MKI67: variants seen among roughly 807,000 people sequenced by gnomAD.
MKI67 encodes the protein marker of proliferation Ki-67.
MKI67 carries 152 observed loss-of-function variants against 233.5 expected under a neutral mutation model. The ratio of observed to expected loss-of-function variants is 0.65; its 90% CI spans 0.57 to 0.74. The LOEUF (loss-of-function observed/expected upper bound fraction) is 0.74, where lower values mean the gene tolerates loss of function less well. Ranked by LOEUF, MKI67 falls within the 30% of genes least tolerant of loss-of-function variation. The pLI is 0.00. For synonymous variants in MKI67, 1,465 were observed against 1,418.5 expected, an observed-to-expected ratio of 1.03 and a Z score of -0.74; for missense variants, 3,940 against 3,885.2, an observed-to-expected ratio of 1.01 and a Z score of -0.37.
In MKI67 at chr10:128,097,005, G is replaced by A. The variant is rs1852225951; in HGVS notation, c.*2185C>T. On this transcript the variant is annotated 3_prime_UTR_variant, in exon 15 of 15. Coordinates refer to ENST00000368654, the MANE Select transcript of MKI67 (RefSeq NM_002417.5). ...AGGCAGGGAAAACAGCAGGGAGTGTGTGGTGGTTGGAGGTGCCTGCCTAAG... is the reference window on the plus strand; with the variant it reads ...AGGCAGGGAAAACAGCAGGGAGTGTATGGTGGTTGGAGGTGCCTGCCTAAG... The A allele has an allele frequency of 6.5e-6, 1 of 152,702 alleles. No individual in the cohort carries two copies. Among genetic ancestry groups the A allele is most frequent in the South Asian group, 2.1e-4 (1 of 4,830 alleles). The allele number at this position is 152,702 out of a possible 1,614,324, so 9.5% of individuals were successfully genotyped here.
intron 14 of MKI67, among the ~76,000 whole-genome samples, chr10:128,100,672 T>C (rs1852317474): frequency 6.6e-6 from 1 of 152,206 alleles, no homozygotes. Context: ...TGCTTGTAAT[T>C]ATGAGTGGCT....
At position 128,112,305 on chromosome 10, in the gene MKI67, G is replaced by C; in HGVS notation, c.1797C>G (p.Cys599Trp). 1 of 1,614,176 alleles carries C rather than the reference G, an allele frequency of 6.2e-7. No individual in the cohort carries two copies. The highest frequency in any genetic ancestry group is 8.5e-7 in the Non-Finnish European group (1 of 1,180,040). ...PVASDQRRRS[C>W]KTAPASSSKS... ...TGCTGCTGGAAGCAGGGGCTGTTTT[G>C]CAGGACCTACGGCGTTGATCACTGG... Residue 599 changes from cysteine to tryptophan, a missense_variant, in exon 9 of 15, where the codon TGC becomes TGG. By Grantham distance (215) the Cys-to-Trp change is radical. Coordinates refer to ENST00000368654, the MANE Select transcript of MKI67 (RefSeq NM_002417.5).
At position 128,106,378 on chromosome 10, in the gene MKI67, G is replaced by A. The variant is rs760854258; in HGVS notation, c.5462C>T (p.Thr1821Ile). 6 of 1,613,592 alleles carry A rather than the reference G, an allele frequency of 3.7e-6. No individual in the cohort carries two copies. The African/African-American group carries it at 5.4e-5, about 14-fold the overall frequency. Residue 1821 changes from threonine to isoleucine, a missense_variant, in exon 13 of 15, where the codon ACT (threonine) becomes ATT (isoleucine). Thr to Ile is a moderately conservative substitution (Grantham distance 89). Transcript: ENST00000368654. ...TAGAGCCTGGGCCTTTTCCTTACGA[G>A]TTTGTAGCCGTCTATTGCTGCCAGG... is the stretch of plus-strand genomic sequence containing the variant. The part of the protein sequence containing the change: ...NLPGSNRRLQ[T>I]RKEKAQALEE...
At position 128,104,253 on chromosome 10, in the gene MKI67, T is replaced by C. The variant is rs1317427200; in HGVS notation, c.7587A>G (p.Pro2529=). Residue 2529 remains proline (P), a synonymous_variant, in exon 13 of 15, where the codon CCA becomes CCG. Transcript: ENST00000368654. ...TTGCTGCTGGGTCCAGGATCTGCTT[T>C]GGAGACTCCTTAAACGCTTTGATGC... ...SKSIKAFKES[P]KQILDPAASV... is the part of the protein sequence containing the mutation. 2 of 1,614,144 alleles carry C rather than the reference T, an allele frequency of 1.2e-6. No homozygotes were observed. The highest frequency in any genetic ancestry group is 3.3e-5 in the Admixed American group (2 of 60,018).
chr10:128,107,545 T>C lies in MKI67; in HGVS notation c.4295A>G (p.Asn1432Ser), dbSNP rs769315483. ...CTGTTTTGCAGTTTCCCTAAACGCG[T>C]TGATGCTTTTATCCTCACCTCCTGG... Reference protein sequence around the residue: ...KVPGGEDKSINAFRETAKQKL... With the variant: ...KVPGGEDKSISAFRETAKQKL... The change falls in exon 13 of 15, where the codon AAC (asparagine) becomes AGC (serine). Residue 1432 changes from asparagine to serine, a missense_variant. Transcript: ENST00000368654. The C allele has an allele frequency of 3.0e-5, 49 of 1,614,136 alleles. No individual in the cohort carries two copies. The highest frequency in any genetic ancestry group is 3.5e-5 in the Non-Finnish European group (41 of 1,180,028).
intron 11 of MKI67, among the ~76,000 whole-genome samples, chr10:128,111,354 A>G: frequency 6.6e-6 from 1 of 152,208 alleles, no homozygotes; most frequent in East Asian, 1.9e-4. Flanking sequence ...CTTCACTGTA[A>G]AGCACCTTCC....
intron 11 of MKI67, chr10:128,111,382 C>A (rs1012740454): frequency 2.8e-6 from 1 of 361,528 alleles, no homozygotes; most frequent in Non-Finnish European, 4.9e-6. Flanking sequence ...TATGTATACG[C>A]TGCTCTCCAG....
intron 5 of MKI67, 86 bp from the exon 6 acceptor site, chr10:128,116,622 T>A (rs1852814983): frequency 1.2e-5 from 16 of 1,356,522 alleles, no homozygotes; most frequent in Non-Finnish European, 1.7e-5. Flanking sequence ...TTTATTGTTT[T>A]CTGGCTGGGC....
In MKI67 at chr10:128,115,835, A is replaced by G. The variant is rs1466078578; in HGVS notation, c.573T>C (p.Asn191=). Residue 191 remains asparagine (N), a synonymous_variant, in exon 7 of 15, where the codon AAT becomes AAC. Transcript: ENST00000368654. ...AAATGGGATCAGCTGCATTTCTGCC[A>G]TTACGTCCAGCATGTTCTGAGGAAT... is the stretch of plus-strand genomic sequence containing the variant. ...NVHSSEHAGR[N]GRNAADPISG... is the part of the protein sequence containing the mutation. 6.2e-7 allele frequency: 1 copy of G among 1,609,310 alleles called. No homozygotes were observed. The highest frequency in any genetic ancestry group is 8.5e-7 in the Non-Finnish European group (1 of 1,180,000).
Position 128,108,198 on chromosome 10 carries a change from A to G in MKI67, c.3642T>C (p.Pro1214=). The change falls in exon 13 of 15, where the codon CCT becomes CCC. Residue 1214 remains proline, a synonymous_variant. Coordinates refer to ENST00000368654, the MANE Select transcript of MKI67 (RefSeq NM_002417.5). The part of the protein sequence containing the change: ...LPGSKRQLQT[P]KEKAQALEDL... ...CTTCTAGAGCCTGGGCCTTTTCCTT[A>G]GGAGTCTGTAGCTGTCTTTTGCTGC... 2 of 1,613,226 alleles carry G rather than the reference A, an allele frequency of 1.2e-6. No homozygotes were observed. Among genetic ancestry groups the G allele is most frequent in the Non-Finnish European group, 1.7e-6 (2 of 1,179,832 alleles).
chr10:128,112,162 C>T lies in MKI67; in HGVS notation c.1940G>A (p.Arg647Lys). Residue 647 changes from arginine (R) to lysine (K), a missense_variant, in exon 9 of 15, where the codon AGA becomes AAA. Arg to Lys is a conservative substitution (Grantham distance 26). Coordinates refer to ENST00000368654, the MANE Select transcript of MKI67 (RefSeq NM_002417.5). ...CAGATTTGCTTCCGAAGCACCACTT[C>T]TTCTTTTGGAACATATCATCTGTAA... ...DILQMICSKRRSGASEANLIV... is the reference protein window; with the variant it reads ...DILQMICSKRKSGASEANLIV... The T allele has an allele frequency of 6.2e-7, 1 of 1,614,006 alleles. No individual in the cohort carries two copies. The highest frequency in any genetic ancestry group is 8.5e-7 in the Non-Finnish European group (1 of 1,179,844).
rs1418049513 is a variant in MKI67 at position 128,126,412 on chromosome 10, C to T, written c.-403G>A. On this transcript the variant is annotated 5_prime_UTR_variant, in exon 1 of 15. Transcript: ENST00000368654. ...CCCGCCCGCCCGCAGCGTCAGCCCT[C>T]CACTTCCTTCTTCCAGCCCGGCGCG... is the stretch of plus-strand genomic sequence containing the variant. 1 of 152,002 alleles carries T rather than the reference C, an allele frequency of 6.6e-6. No individual in the cohort carries two copies. The highest frequency in any genetic ancestry group is 2.4e-5 in the African/African-American group (1 of 41,272). 9.4% of individuals were successfully genotyped at this position (152,002 alleles called of 1,614,324 possible).
At position 128,109,028 on chromosome 10, in the gene MKI67, A is replaced by AG; in HGVS notation, c.2811_2812insC (p.Glu940ArgfsTer4). 1 of 1,613,998 alleles carries AG rather than the reference A, an allele frequency of 6.2e-7. No individual in the cohort carries two copies. The highest frequency in any genetic ancestry group is 1.3e-5 in the African/African-American group (1 of 74,990). On this transcript the variant is annotated frameshift_variant, in exon 13 of 15. Transcript: ENST00000368654. LOFTEE classifies it high-confidence loss of function. Reference sequence around the variant, plus strand: ...TTCATCTTTTCATCGTTTTCTTTTAATTCAATATTTTCCTTATATGTCTCA... The same window carrying AG: ...TTCATCTTTTCATCGTTTTCTTTTAAGTTCAATATTTTCCTTATATGTCTCA...
At chr10:128,113,787 A>T (rs1004643137) in intron 7 of MKI67, among the ~76,000 whole-genome samples, 185 bp from the exon 8 acceptor site, 1 of 152,190 alleles carries the variant, frequency 6.6e-6, no homozygotes, top group East Asian at 1.9e-4. Flanking sequence ...GGATTGCGGG[A>T]GTGGCCACTA....
At chr10:128,114,851 G>C in intron 7 of MKI67, 77 bp downstream of exon 7, 1 of 1,363,360 alleles carries the variant, frequency 7.3e-7, no homozygotes, top group Non-Finnish European at 1.0e-6. Flanking sequence ...AATCACTACT[G>C]AAAGAATGAA....
At chr10:128,110,251 A>C (rs894132380) in intron 12 of MKI67, 127 bp downstream of exon 12, 93 of 682,374 alleles carry the variant, frequency 1.4e-4, no homozygotes, top group Non-Finnish European at 1.6e-4. Context: ...AGAACAGAGA[A>C]GACGGAAATG....
Position 128,105,228 on chromosome 10 carries a change from T to C in MKI67, c.6612A>G (p.Pro2204=), listed in dbSNP as rs200617801. 2.5e-5 allele frequency: 41 copies of C among 1,614,124 alleles called. No individual in the cohort carries two copies. The East Asian group carries it at 8.5e-4, about 33-fold the overall frequency. ...GAGTCGTGGGCTTGTCAGTGCATAT[T>C]GGTGTCTGGAAGAGCTCTTTCAAGC... ...LAGLKELFQT[P]ICTDKPTTHE... is the part of the protein sequence containing the mutation. The change falls in exon 13 of 15, where the codon CCA becomes CCG. Residue 2204 remains proline, a synonymous_variant. Transcript: ENST00000368654.
At chr10:128,110,344 A>G in intron 12 of MKI67, 34 bp downstream of exon 12, 1 of 1,498,726 alleles carries the variant, frequency 6.7e-7, no homozygotes. Flanking sequence ...TCCTATCCCA[A>G]AACATCACAG....
intron 8 of MKI67, among the ~76,000 whole-genome samples, chr10:128,112,997 A>C (rs1852714950): frequency 6.6e-6 from 1 of 152,242 alleles, no homozygotes; most frequent in Non-Finnish European, 1.5e-5. Context: ...TAAAAGGAAG[A>C]TGTGCCATTG....
Sources: allele counts gnomAD v4.1 joint callset (sites outside exome capture counted in the v4.1 genomes callset), GRCh38; gene constraint gnomAD v4.1.1; transcripts MANE v1.5; gene names NCBI Gene and HGNC (gene_info 2026-07-23, HGNC 2026-07-21).